Variants in SHISAL2B observed in about 807,000 individuals in gnomAD.
The protein encoded by SHISAL2B is shisa like 2B.
Under a neutral mutation model 16.5 loss-of-function variants are expected in SHISAL2B, and 12 were observed. That is an observed-to-expected ratio of 0.73 (90% CI 0.47 to 1.18). The LOEUF (loss-of-function observed/expected upper bound fraction) is 1.18. Among genes scored for constraint, SHISAL2B ranks in the 50% most tolerant of loss-of-function variants. SHISAL2B has a pLI of 0.00. For synonymous variants in SHISAL2B, 72 were observed against 75.0 expected (o/e 0.96, Z 0.21); for missense variants, 183 against 193.6 (o/e 0.95, Z 0.33).
At chr5:64,717,660 G>T (rs1742076382) in intron 2 of SHISAL2B, among the ~76,000 whole-genome samples, 1 of 152,094 alleles carries the variant, frequency 6.6e-6, no homozygotes, top group Admixed American at 6.6e-5. Context: ...GAGGAAAAAA[G>T]GTAAGCATGG....
chr5:64,691,121 C>T, intron 1 of SHISAL2B: 1 of 320,000 alleles, frequency 3.1e-6, no homozygotes, highest in East Asian at 4.9e-5. Context: ...GCCCGCCTCC[C>T]GGGAGCCGAC....
At chr5:64,708,223 C>T (rs966392725) in intron 2 of SHISAL2B, among the ~76,000 whole-genome samples, 13 of 152,270 alleles carry the variant, frequency 8.5e-5, no homozygotes, top group African/African-American at 2.6e-4. Flanking sequence ...TCATATTTGA[C>T]AATGCTTCCT....
chr5:64,695,691 A>C, intron 2 of SHISAL2B, 27 bp downstream of exon 2: 1 of 1,458,646 alleles, frequency 6.9e-7, no homozygotes, highest in Non-Finnish European at 9.1e-7. Flanking sequence ...ATTTGTTACC[A>C]ATTACCTGAA....
intron 2 of SHISAL2B, among the ~76,000 whole-genome samples, chr5:64,705,201 GC>G (rs1741859310): frequency 6.6e-6 from 1 of 152,128 alleles, no homozygotes; most frequent in Non-Finnish European, 1.5e-5. Flanking sequence ...TATTTTGCAA[GC>G]CTTTTAATCT....
Position 64,690,691 on chromosome 5 carries a change from A to G in SHISAL2B, c.68A>G (p.Gln23Arg). ...SLNQSFVEPFQCPRRGEGAAL... is the reference protein window; with the variant it reads ...SLNQSFVEPFRCPRRGEGAAL... ...AACCAGAGCTTCGTGGAGCCCTTCC[A>G]GTGCCCCCGGCGCGGCGAGGGGGCA... The change falls in exon 1 of 3, where the codon CAG becomes CGG. Residue 23 changes from glutamine (Q) to arginine (R), a missense_variant. Coordinates refer to ENST00000389074, the MANE Select transcript of SHISAL2B (RefSeq NM_001164442.2). 6.5e-7 allele frequency: 1 copy of G among 1,534,958 alleles called. No individual in the cohort carries two copies. Among genetic ancestry groups the G allele is most frequent in the Non-Finnish European group, 8.7e-7 (1 of 1,146,156 alleles).
intron 2 of SHISAL2B, among the ~76,000 whole-genome samples, chr5:64,708,897 T>A (rs1444174329): frequency 1.3e-5 from 2 of 152,100 alleles, no homozygotes; most frequent in Non-Finnish European, 2.9e-5. Context: ...GAGAAGTAAT[T>A]GAAATAAAGT....
At chr5:64,706,037 T>C (rs1741871560) in intron 2 of SHISAL2B, among the ~76,000 whole-genome samples, 1 of 152,176 alleles carries the variant, frequency 6.6e-6, no homozygotes, top group Non-Finnish European at 1.5e-5. Context: ...GGTGCATGCC[T>C]GTAGTCCCAG....
chr5:64,707,606 C>T (rs1029936944), intron 2 of SHISAL2B, among the ~76,000 whole-genome samples: 1 of 152,116 alleles, frequency 6.6e-6, no homozygotes, highest in Non-Finnish European at 1.5e-5. Context: ...AACTATATTG[C>T]CATAAGTTAA....
chr5:64,693,783 A>C (rs1316270212), intron 1 of SHISAL2B, among the ~76,000 whole-genome samples: 1 of 152,172 alleles, frequency 6.6e-6, no homozygotes, highest in African/African-American at 2.4e-5. Flanking sequence ...CCCAAGTTGA[A>C]ATATAACTCT....
intron 1 of SHISAL2B, among the ~76,000 whole-genome samples, chr5:64,692,728 C>G (rs889572768): frequency 6.6e-6 from 1 of 152,154 alleles, no homozygotes; most frequent in Non-Finnish European, 1.5e-5. Flanking sequence ...TCTCTCAAAG[C>G]TTGTAAAACA....
chr5:64,708,432 T>C (rs562402640), intron 2 of SHISAL2B, among the ~76,000 whole-genome samples: 7 of 152,228 alleles, frequency 4.6e-5, no homozygotes, highest in Admixed American at 3.3e-4. Flanking sequence ...AGGGATAACA[T>C]AAAGATTTCA....
At chr5:64,714,924 G>T (rs949253606) in intron 2 of SHISAL2B, among the ~76,000 whole-genome samples, 2 of 152,088 alleles carry the variant, frequency 1.3e-5, no homozygotes, top group Admixed American at 6.5e-5. Context: ...GCACCCACTG[G>T]CCTGCGCCCA....
chr5:64,709,487 G>A (rs13170569), intron 2 of SHISAL2B, among the ~76,000 whole-genome samples: 42,861 of 140,220 alleles, frequency 0.31, 6,790 homozygotes, highest in East Asian at 0.49. Context: ...GAATAATGCC[G>A]CAATAAACAT....
At position 64,700,580 on chromosome 5, in the gene SHISAL2B, T is replaced by G. The variant is rs540438182; in HGVS notation, c.349+4916T>G. Among the ~76,000 whole-genome samples the G allele has an allele frequency of 1.5e-4, 23 of 152,070 alleles. 1 individual carries two copies. In the South Asian group the frequency reaches 4.6e-3, roughly 30 times the overall value. ...CAGTGGTCACCATGCCTGGCTAAGT[T>G]TTTTGTATTTTCAGTAAAGGTGAGG... is the stretch of plus-strand genomic sequence containing the variant. On this transcript the variant is annotated intron_variant, in intron 2 of 2. Transcript: ENST00000389074.
chr5:64,693,159 C>T (rs1741678298), intron 1 of SHISAL2B, among the ~76,000 whole-genome samples: 2 of 152,128 alleles, frequency 1.3e-5, no homozygotes. Context: ...AGGCGCCTGC[C>T]ACCATGCCTG....
chr5:64,708,917 G>A (rs1386515058), intron 2 of SHISAL2B, among the ~76,000 whole-genome samples: 1 of 151,914 alleles, frequency 6.6e-6, no homozygotes, highest in Non-Finnish European at 1.5e-5. Context: ...TCATTATTGT[G>A]CCACTCTAGG....
intron 2 of SHISAL2B, among the ~76,000 whole-genome samples, chr5:64,714,091 G>A (rs1159561340): frequency 6.0e-5 from 9 of 150,818 alleles, no homozygotes; most frequent in East Asian, 1.9e-4. Flanking sequence ...GAGGAACTGC[G>A]TTCCTTTGGA....
At chr5:64,691,015 G>A (rs1741640655) in intron 1 of SHISAL2B, among the ~76,000 whole-genome samples, 2 of 152,334 alleles carry the variant, frequency 1.3e-5, no homozygotes, top group Admixed American at 6.5e-5. Flanking sequence ...GCTCCCCCGG[G>A]AGCCAGGACA....
intron 2 of SHISAL2B, among the ~76,000 whole-genome samples, chr5:64,703,357 T>C (rs1741835420): frequency 6.6e-6 from 1 of 152,224 alleles, no homozygotes; most frequent in South Asian, 2.1e-4. Context: ...CCTGTGTCCC[T>C]TTAAATAGAA....
Sources: allele counts gnomAD v4.1 joint callset (sites outside exome capture counted in the v4.1 genomes callset), GRCh38; gene constraint gnomAD v4.1.1; transcripts MANE v1.5; gene names NCBI Gene and HGNC (gene_info 2026-07-23, HGNC 2026-07-21).